The following NETO1 variants were observed in gnomAD, a reference collection of about 807,000 sequenced individuals.
The protein encoded by NETO1 is neuropilin and tolloid-like protein 1.
A neutral mutation model predicts 61.3 loss-of-function variants in NETO1; 26 were observed. The ratio of observed to expected loss-of-function variants is 0.42; its 90% CI spans 0.31 to 0.59. The LOEUF (loss-of-function observed/expected upper bound fraction) is 0.59. NETO1 is among the 20% of genes least tolerant of loss of function. NETO1 has a pLI of 0.12. For synonymous variants in NETO1, 225 were observed against 225.8 expected, an observed-to-expected ratio of 1.00 and a Z score of 0.03; for missense variants, 531 against 662.8, an observed-to-expected ratio of 0.80 and a Z score of 2.18.
At chr18:72,762,908 T>C (rs930675150) in intron 7 of NETO1, among the ~76,000 whole-genome samples, 7 of 152,126 alleles carry the variant, frequency 4.6e-5, no homozygotes, top group Non-Finnish European at 2.9e-5. Context: ...GAAGATAAAA[T>C]AAAGCCACAA....
At chr18:72,779,813 AG>A (rs1351770871) in intron 7 of NETO1, among the ~76,000 whole-genome samples, 1 of 152,232 alleles carries the variant, frequency 6.6e-6, no homozygotes, top group Non-Finnish European at 1.5e-5. Flanking sequence ...ACAATAAATT[AG>A]GTGGCTTATA....
chr18:72,749,132 CA>C (rs35742923), intron 9 of NETO1, 44 bp from the exon 10 acceptor site: 3 of 1,043,714 alleles, frequency 2.9e-6, no homozygotes, highest in East Asian at 2.4e-5. Flanking sequence ...ACTATTTGCA[CA>C]AAAAAATATG....
intron 4 of NETO1, among the ~76,000 whole-genome samples, chr18:72,846,212 A>G (rs2074077460): frequency 6.6e-6 from 1 of 151,320 alleles, no homozygotes; most frequent in African/African-American, 2.4e-5. Flanking sequence ...AGTTGTCAAT[A>G]AAAGAGATGC....
At chr18:72,755,619 T>A (rs1381944218) in intron 8 of NETO1, among the ~76,000 whole-genome samples, 1 of 152,022 alleles carries the variant, frequency 6.6e-6, no homozygotes, top group Non-Finnish European at 1.5e-5. Context: ...TAACTGAAAG[T>A]ACAAATGCTA....
chr18:72,846,643 T>C (rs2074098313), intron 4 of NETO1, among the ~76,000 whole-genome samples: 2 of 151,992 alleles, frequency 1.3e-5, no homozygotes, highest in Non-Finnish European at 2.9e-5. Flanking sequence ...CATATTTGTA[T>C]TTTTTTATAA....
intron 4 of NETO1, among the ~76,000 whole-genome samples, chr18:72,814,142 T>C (rs1296329728): frequency 6.6e-6 from 1 of 151,950 alleles, no homozygotes; most frequent in Non-Finnish European, 1.5e-5. Flanking sequence ...AGAAGGTAAG[T>C]GATATTAGGT....
At chr18:72,766,555 A>G (rs1397487103) in intron 7 of NETO1, among the ~76,000 whole-genome samples, 1 of 152,110 alleles carries the variant, frequency 6.6e-6, no homozygotes, top group Non-Finnish European at 1.5e-5. Flanking sequence ...TATGTTTTCA[A>G]AACTCTGTTC....
Position 72,867,332 on chromosome 18 carries a change from C to A in NETO1, c.-41G>T. The A allele has an allele frequency of 6.5e-7, 1 of 1,538,998 alleles. No individual in the cohort carries two copies. The highest frequency in any genetic ancestry group is 8.8e-7 in the Non-Finnish European group (1 of 1,140,448). On this transcript the variant is annotated 5_prime_UTR_variant, in exon 1 of 11. It removes an upstream start codon present in the reference 5' UTR. Transcript: ENST00000327305. Reference sequence around the variant, plus strand: ...CAGAGGCTCCGGGCTCCACTAATTCCATTTAGAGACGGGAAGACTTCCAGT... The same window carrying A: ...CAGAGGCTCCGGGCTCCACTAATTCAATTTAGAGACGGGAAGACTTCCAGT...
chr18:72,845,614 C>T (rs554013158), intron 4 of NETO1, among the ~76,000 whole-genome samples: 1 of 152,276 alleles, frequency 6.6e-6, no homozygotes, highest in South Asian at 2.1e-4. Context: ...AAAACTCAAA[C>T]AAAATTATTT....
intron 4 of NETO1, among the ~76,000 whole-genome samples, chr18:72,852,164 C>A (rs2145583079): frequency 6.6e-6 from 1 of 152,330 alleles, no homozygotes; most frequent in East Asian, 1.9e-4. Flanking sequence ...TTCTCCACCT[C>A]TCCAGGAAAC....
intron 3 of NETO1, 100 bp from the exon 4 acceptor site, chr18:72,859,174 A>G: frequency 8.6e-7 from 1 of 1,160,496 alleles, no homozygotes; most frequent in Non-Finnish European, 1.2e-6. Flanking sequence ...TCTTCTCTCA[A>G]ACTTTATGGA....
intron 8 of NETO1, among the ~76,000 whole-genome samples, chr18:72,751,789 C>T (rs2070627233): frequency 6.6e-6 from 1 of 152,138 alleles, no homozygotes; most frequent in Non-Finnish European, 1.5e-5. Context: ...AGAAGCTGTG[C>T]CCAGAAAGAG....
intron 7 of NETO1, among the ~76,000 whole-genome samples, chr18:72,777,418 T>C (rs1301048575): frequency 1.4e-5 from 1 of 73,104 alleles, no homozygotes; most frequent in Non-Finnish European, 2.7e-5. Flanking sequence ...AAACTCCATC[T>C]GAAAAAAAAA....
chr18:72,745,372 A>G lies in NETO1; in HGVS notation c.*2807T>C, dbSNP rs2070407814. On this transcript the variant is annotated 3_prime_UTR_variant, in exon 11 of 11. Transcript: ENST00000327305. ...ATTCATTGGCATTGCATGTGATTAT[A>G]TGCTACCATTATTTTGAAAAGTGAA... 6.6e-6 allele frequency: 1 copy of G among 152,202 alleles called. No homozygotes were observed. Among genetic ancestry groups the G allele is most frequent in the Non-Finnish European group, 1.5e-5 (1 of 68,024 alleles). 9.4% of individuals were successfully genotyped at this position (152,202 alleles called of 1,614,324 possible). A position where few individuals can be genotyped will look rare whatever the true frequency, so the allele number is the denominator to read the frequency against.
chr18:72,762,862 G>GACGACAAATCTCTT (rs2071024002), intron 7 of NETO1, among the ~76,000 whole-genome samples: 1 of 152,118 alleles, frequency 6.6e-6, no homozygotes, highest in African/African-American at 2.4e-5. Flanking sequence ...TGTAGCAGGG[G>GACGACAAATCTCTT]ACGACAAATC....
chr18:72,766,971 T>C (rs2071186876), intron 7 of NETO1, among the ~76,000 whole-genome samples: 1 of 152,202 alleles, frequency 6.6e-6, no homozygotes, highest in South Asian at 2.1e-4. Flanking sequence ...GTATTAAATA[T>C]CTTTGGCATC....
Position 72,864,800 on chromosome 18 carries a change from C to T in NETO1, c.220+8G>A. On this transcript the variant is annotated splice_region_variant and intron_variant, in intron 3 of 10. Coordinates refer to ENST00000327305, the MANE Select transcript of NETO1 (RefSeq NM_138966.5). ...TGCTTTCTTAACTCTGGCACTGTCT[C>T]CCCTTACCTTCTATGATGTAGATGC... 2 of 1,613,756 alleles carry T rather than the reference C, an allele frequency of 1.2e-6. No homozygotes were observed. Among genetic ancestry groups the T allele is most frequent in the East Asian group, 2.2e-5 (1 of 44,878 alleles).
chr18:72,775,006 T>C (rs1202585320), intron 7 of NETO1, among the ~76,000 whole-genome samples: 1 of 152,174 alleles, frequency 6.6e-6, no homozygotes, highest in Non-Finnish European at 1.5e-5. Context: ...CTGTATATTA[T>C]TTTTCTGAAG....
intron 3 of NETO1, among the ~76,000 whole-genome samples, chr18:72,860,767 G>A (rs1358727288): frequency 2.7e-5 from 4 of 149,440 alleles, no homozygotes; most frequent in Non-Finnish European, 4.4e-5. Flanking sequence ...AAATTTGAAA[G>A]TACCCAAAGA....
Sources: allele counts gnomAD v4.1 joint callset (sites outside exome capture counted in the v4.1 genomes callset), GRCh38; gene constraint gnomAD v4.1.1; transcripts MANE v1.5; gene names NCBI Gene and HGNC (gene_info 2026-07-23, HGNC 2026-07-21).